Variants in ARHGAP39 observed in about 807,000 individuals in gnomAD.
The protein encoded by ARHGAP39 is rho GTPase-activating protein 39.
A neutral mutation model predicts 106.9 loss-of-function variants in ARHGAP39; 44 were observed. The observed-to-expected ratio is 0.41, with a 90% CI of 0.32 to 0.53. The LOEUF is 0.53. Ranked by LOEUF, ARHGAP39 falls within the 20% of genes least tolerant of loss-of-function variation. The pLI is 0.21. For synonymous variants in ARHGAP39, 768 were observed against 693.2 expected, an observed-to-expected ratio of 1.11 and a Z score of -1.69; for missense variants, 1,496 against 1,577.3, an observed-to-expected ratio of 0.95 and a Z score of 0.87.
chr8:144,678,170 C>T (rs576035382), intron 1 of ARHGAP39, among the ~76,000 whole-genome samples: 14 of 151,988 alleles, frequency 9.2e-5, no homozygotes, highest in Admixed American at 7.2e-4. Context: ...TTTCGGAGGC[C>T]GAGGTGGGAG....
At chr8:144,552,542 G>A (rs1817753824) in intron 4 of ARHGAP39, among the ~76,000 whole-genome samples, 1 of 152,246 alleles carries the variant, frequency 6.6e-6, no homozygotes, top group Non-Finnish European at 1.5e-5. Context: ...TCCAGGCCCT[G>A]TGACTTCACA....
intron 1 of ARHGAP39, among the ~76,000 whole-genome samples, chr8:144,608,156 C>CAAAAAAAAAA (rs60966946): frequency 4.2e-5 from 4 of 96,336 alleles, no homozygotes; most frequent in Admixed American, 1.2e-4. Flanking sequence ...GACTCTGTCT[C>CAAAAAAAAAA]AAAAAAAAAA....
intron 3 of ARHGAP39, among the ~76,000 whole-genome samples, chr8:144,570,645 T>C (rs550999486): frequency 6.6e-6 from 1 of 152,298 alleles, no homozygotes; most frequent in East Asian, 1.9e-4. Flanking sequence ...CAAATTCTGC[T>C]ATTCTAGGAG....
intron 1 of ARHGAP39, among the ~76,000 whole-genome samples, chr8:144,672,659 C>T (rs1563732536): frequency 6.6e-6 from 1 of 152,184 alleles, no homozygotes; most frequent in Non-Finnish European, 1.5e-5. Flanking sequence ...GCTGGTTCAT[C>T]AGCCTCTTAG....
At chr8:144,561,371 G>C (rs1380548929) in intron 3 of ARHGAP39, among the ~76,000 whole-genome samples, 2 of 151,506 alleles carry the variant, frequency 1.3e-5, no homozygotes, top group Non-Finnish European at 2.9e-5. Flanking sequence ...GGCCCCAGTG[G>C]TTTCCATCGG....
chr8:144,611,338 C>T (rs184752715), intron 1 of ARHGAP39, among the ~76,000 whole-genome samples: 6 of 152,286 alleles, frequency 3.9e-5, no homozygotes, highest in African/African-American at 1.2e-4. Context: ...TGGAAAAGAA[C>T]GTGCTGCCGG....
intron 3 of ARHGAP39, among the ~76,000 whole-genome samples, chr8:144,576,974 G>A (rs969456171): frequency 2.0e-5 from 3 of 152,112 alleles, no homozygotes; most frequent in African/African-American, 7.2e-5. Context: ...TTTCACTTAT[G>A]CCATTTAAAC....
At chr8:144,694,502 G>A in the ARHGAP39 span, among the ~76,000 whole-genome samples, 1 of 152,228 alleles carries the variant, frequency 6.6e-6, no homozygotes, top group Non-Finnish European at 1.5e-5. Context: ...TAAAGTGCCT[G>A]TGAAAATGTA....
intron 7 of ARHGAP39, among the ~76,000 whole-genome samples, chr8:144,535,819 T>G (rs1816932011): frequency 6.6e-6 from 1 of 150,930 alleles, no homozygotes; most frequent in Non-Finnish European, 1.5e-5. Flanking sequence ...ATGCAGTCTC[T>G]CTGTGCCTCA....
At chr8:144,630,778 CAGACGCCAACCGGCCAGGG>C (rs1821040672) in intron 1 of ARHGAP39, among the ~76,000 whole-genome samples, 1 of 152,270 alleles carries the variant, frequency 6.6e-6, no homozygotes, top group Non-Finnish European at 1.5e-5. Context: ...TGGCCCTCCT[CAGACGCCAACCGGCCAGGG>C]CCTTGCTCAC....
At chr8:144,622,428 A>T (rs1057478472) in intron 1 of ARHGAP39, among the ~76,000 whole-genome samples, 4 of 152,024 alleles carry the variant, frequency 2.6e-5, no homozygotes, top group African/African-American at 9.7e-5. Flanking sequence ...CACAACAAGC[A>T]GCAGAAGGCA....
At chr8:144,661,319 C>T (rs1311748753) in intron 1 of ARHGAP39, among the ~76,000 whole-genome samples, 3 of 152,316 alleles carry the variant, frequency 2.0e-5, no homozygotes, top group Admixed American at 6.5e-5. Flanking sequence ...CTCCTCTTTG[C>T]GCATTCGCGC....
At chr8:144,590,811 C>T (rs1819363773) in intron 2 of ARHGAP39, among the ~76,000 whole-genome samples, 1 of 152,122 alleles carries the variant, frequency 6.6e-6, no homozygotes, top group Non-Finnish European at 1.5e-5. Flanking sequence ...GCATGGAGAC[C>T]CCAGCCAGGC....
In ARHGAP39 at chr8:144,545,311, T is replaced by G; in HGVS notation, c.2459A>C (p.Lys820Thr). The change falls in exon 6 of 12, where the codon AAG (lysine) becomes ACG (threonine). Residue 820 changes from lysine (K) to threonine (T), a missense_variant. By Grantham distance (78) the Lys-to-Thr change is moderately conservative (BLOSUM62 -1). This residue lies in a region of ARHGAP39 where 470 missense variants were observed against 605.1 expected (regional missense o/e 0.78). Transcript: ENST00000377307. ...GTAGCCTTCCAGGTAGGAGTGGAAC[T>G]TGGGGGTGGGCGGGAAAAAGGCCAG... is the stretch of plus-strand genomic sequence containing the variant. ...ICLAFFPPTP[K>T]FHSYLEGYIY... The G allele has an allele frequency of 1.3e-6, 2 of 1,590,072 alleles. No homozygotes were observed. The highest frequency in any genetic ancestry group is 1.7e-6 in the Non-Finnish European group (2 of 1,163,832).
intron 2 of ARHGAP39, among the ~76,000 whole-genome samples, chr8:144,592,865 G>C (rs1819458846): frequency 6.6e-6 from 1 of 152,214 alleles, no homozygotes; most frequent in Non-Finnish European, 1.5e-5. Context: ...TGGCCCCGCA[G>C]GCTGGCTCTG....
intron 3 of ARHGAP39, among the ~76,000 whole-genome samples, chr8:144,557,298 C>T (rs200189565): frequency 4.7e-5 from 1 of 21,078 alleles, no homozygotes; most frequent in African/African-American, 2.1e-4. Context: ...TAGTATTCAG[C>T]GGCAAAAGGC....
rs1233133180 is a variant in ARHGAP39, at chr8:144,670,283, C to T, written c.-82+15403G>A. On this transcript the variant is annotated intron_variant, in intron 1 of 11. Transcript: ENST00000377307. This position sits in a 1 kb window ranked among gnomAD's most constrained non-coding sequence, Gnocchi z 4.4. ...TGTAAAAAGCAACAGAGCTCGGACGCGTGCTAGAGTGTACCGGGAAGCAGG... is the reference window on the plus strand; with the variant it reads ...TGTAAAAAGCAACAGAGCTCGGACGTGTGCTAGAGTGTACCGGGAAGCAGG... Among the ~76,000 whole-genome samples the T allele has an allele frequency of 3.3e-5, 5 of 152,172 alleles. No homozygotes were observed. Among genetic ancestry groups the T allele is most frequent in the Non-Finnish European group, 7.3e-5 (5 of 68,044 alleles).
At chr8:144,569,319 A>T (rs912467459) in intron 3 of ARHGAP39, among the ~76,000 whole-genome samples, 2 of 152,260 alleles carry the variant, frequency 1.3e-5, no homozygotes, top group African/African-American at 4.8e-5. Flanking sequence ...GAGAGAAATA[A>T]AAATGTATGT....
chr8:144,551,230 G>A (rs563517014), intron 4 of ARHGAP39, among the ~76,000 whole-genome samples: 10 of 152,170 alleles, frequency 6.6e-5, no homozygotes, highest in Admixed American at 3.3e-4. Flanking sequence ...GCTGGCAGGC[G>A]GCCGGGAGGG....
Sources: gnomAD v4.1 joint callset for allele counts (sites outside exome capture counted in the v4.1 genomes callset) on GRCh38, gnomAD v4.1.1 for gene constraint, gnomAD v4.1.1 regional missense constraint, Gnocchi (gnomAD v3.1) non-coding constraint, MANE v1.5 for transcripts, NCBI Gene and HGNC (gene_info 2026-07-23, HGNC 2026-07-21) for gene names.